Variants in LSAMP observed in about 807,000 individuals in gnomAD.
LSAMP encodes the protein limbic system associated membrane protein, also known as limbic system-associated membrane protein.
In LSAMP, 7 loss-of-function variants were observed where a neutral mutation model predicts 38.6. That is an observed-to-expected ratio of 0.18 (90% CI 0.10 to 0.34). The LOEUF is 0.34. Among genes scored for constraint, LSAMP ranks in the 10% least tolerant of loss-of-function variants. The pLI is 1.00. For synonymous variants in LSAMP, 154 were observed against 166.8 expected, an observed-to-expected ratio of 0.92 and a Z score of 0.59; for missense variants, 313 against 420.0, an observed-to-expected ratio of 0.75 and a Z score of 2.23.
chr3:116,186,780 A>G (rs73140946), intron 1 of LSAMP, among the ~76,000 whole-genome samples: 3,390 of 152,180 alleles, frequency 0.022, 58 homozygotes, highest in Middle Eastern at 0.034. Flanking sequence ...TTGGTATTTT[A>G]CTTTTACTCC....
intron 1 of LSAMP, among the ~76,000 whole-genome samples, chr3:116,310,824 C>T (rs1314752250): frequency 6.6e-6 from 1 of 151,088 alleles, no homozygotes; most frequent in African/African-American, 2.4e-5. Context: ...CTGACTTGAC[C>T]AAGAACATAA....
chr3:116,263,266 G>A (rs1346909751), intron 1 of LSAMP, among the ~76,000 whole-genome samples: 2 of 152,138 alleles, frequency 1.3e-5, no homozygotes, highest in African/African-American at 2.4e-5. Flanking sequence ...GGCTGGGTGC[G>A]GTGGCTCATG....
At chr3:115,976,656 A>G (rs150045024) in intron 3 of LSAMP, among the ~76,000 whole-genome samples, 115 of 152,228 alleles carry the variant, frequency 7.6e-4, no homozygotes, top group African/African-American at 2.6e-3. Flanking sequence ...GTAATCCCCA[A>G]TGTTGGGGAA....
At chr3:115,900,249 T>C (rs1296295319) in intron 3 of LSAMP, among the ~76,000 whole-genome samples, 1 of 152,136 alleles carries the variant, frequency 6.6e-6, no homozygotes, top group African/African-American at 2.4e-5. Context: ...GCGTGGTGGC[T>C]CATGCCTGTA....
intron 2 of LSAMP, among the ~76,000 whole-genome samples, chr3:116,059,835 C>T (rs978858591): frequency 1.3e-5 from 2 of 152,192 alleles, no homozygotes; most frequent in Middle Eastern, 3.2e-3. Flanking sequence ...GAGTGCTTGT[C>T]TGAGTCACCA....
intron 1 of LSAMP, among the ~76,000 whole-genome samples, chr3:116,104,149 A>C (rs1238988606): frequency 6.6e-6 from 1 of 152,222 alleles, no homozygotes; most frequent in Non-Finnish European, 1.5e-5. Flanking sequence ...CACTGGCCAG[A>C]GAGTCCAGTC....
intron 1 of LSAMP, among the ~76,000 whole-genome samples, chr3:116,253,265 C>T (rs779142490): frequency 5.9e-5 from 9 of 152,168 alleles, no homozygotes; most frequent in East Asian, 5.8e-4. Context: ...TACTGACCAA[C>T]GTGATTTGTA....
At chr3:115,876,278 C>CT (rs58536199) in intron 3 of LSAMP, among the ~76,000 whole-genome samples, 2,178 of 123,222 alleles carry the variant, frequency 0.018, 20 homozygotes, top group Middle Eastern at 0.022. Context: ...AAGGAAAAAG[C>CT]TTTTTTTTTT....
intron 3 of LSAMP, among the ~76,000 whole-genome samples, chr3:115,935,175 A>C (rs1937657177): frequency 6.6e-6 from 1 of 152,226 alleles, no homozygotes; most frequent in South Asian, 2.1e-4. Flanking sequence ...CTCAAGGAAT[A>C]AAATATGAAA....
Position 115,848,865 on chromosome 3 carries a change from T to C in LSAMP, c.649+3618A>G, listed in dbSNP as rs1271194081. The stretch of plus-strand genomic sequence containing the variant: ...CTGGGAGCAGCTTTTAAGAGAAATT[T>C]CTCCAGGAATAGGAAAAGAGTCCAA... On this transcript the variant is annotated intron_variant, in intron 4 of 6. Coordinates refer to ENST00000490035, the MANE Select transcript of LSAMP (RefSeq NM_002338.5). 3.3e-5 allele frequency among the ~76,000 whole-genome samples: 5 copies of C among 152,078 alleles called. No individual in the cohort carries two copies. The South Asian group carries it at 1.0e-3, about 32-fold the overall frequency.
chr3:116,388,513 C>T lies in LSAMP; in HGVS notation c.155+56364G>A, dbSNP rs192131267. 2.6e-3 allele frequency among the ~76,000 whole-genome samples: 392 copies of T among 152,212 alleles called. 4 individuals are homozygous for T. Among genetic ancestry groups the T allele is most frequent in the Admixed American group, 0.021 (323 of 15,284 alleles). On this transcript the variant is annotated intron_variant, in intron 1 of 6. Transcript: ENST00000490035. ...TTAAATGAACATAAGGGCTCTAAAA[C>T]GCACGAAAATATTTTACTAAATGCC...
chr3:116,437,450 G>A (rs1209998905), intron 1 of LSAMP, among the ~76,000 whole-genome samples: 1 of 152,096 alleles, frequency 6.6e-6, no homozygotes, highest in Non-Finnish European at 1.5e-5. Context: ...GTGGAGGAAG[G>A]AAAACCCATG....
At chr3:115,956,910 T>A (rs1244599826) in intron 3 of LSAMP, among the ~76,000 whole-genome samples, 4 of 152,186 alleles carry the variant, frequency 2.6e-5, no homozygotes, top group Non-Finnish European at 5.9e-5. Context: ...GAAGAAGTCA[T>A]TCCAACATTC....
intron 3 of LSAMP, among the ~76,000 whole-genome samples, chr3:116,010,950 G>A (rs1940306340): frequency 6.6e-6 from 1 of 152,022 alleles, no homozygotes; most frequent in Admixed American, 6.5e-5. Context: ...TTGATTGATT[G>A]AACACCTGTA....
chr3:116,387,146 T>A (rs750314199), intron 1 of LSAMP, among the ~76,000 whole-genome samples: 17 of 152,152 alleles, frequency 1.1e-4, no homozygotes, highest in Admixed American at 2.6e-4. Context: ...TTTCTAATAA[T>A]GTAGCATTGA....
chr3:116,045,353 A>G (rs915129741), intron 2 of LSAMP, among the ~76,000 whole-genome samples: 6 of 152,180 alleles, frequency 3.9e-5, no homozygotes, highest in Non-Finnish European at 5.9e-5. Flanking sequence ...AAAAGTTTAT[A>G]GAAGATCACA....
Position 116,026,615 on chromosome 3 carries a change from C to G in LSAMP, c.389-6975G>C, listed in dbSNP as rs777391467. Reference sequence around the variant, plus strand: ...CTTGGACAAGGAGTGGGTACAAGACCTAAGCTGGACCATTCAAACATCCCC... The same window carrying G: ...CTTGGACAAGGAGTGGGTACAAGACGTAAGCTGGACCATTCAAACATCCCC... On this transcript the variant is annotated intron_variant, in intron 2 of 6. Transcript: ENST00000490035. 1.2e-4 allele frequency among the ~76,000 whole-genome samples: 19 copies of G among 152,240 alleles called. No homozygotes were observed. In the Middle Eastern group the frequency reaches 0.017, roughly 136 times the overall value.
intron 1 of LSAMP, among the ~76,000 whole-genome samples, chr3:116,104,977 C>T (rs1271936805): frequency 6.6e-6 from 1 of 152,234 alleles, no homozygotes; most frequent in Non-Finnish European, 1.5e-5. Flanking sequence ...AGAACTATTG[C>T]TTTGGCACTT....
At chr3:115,870,849 C>T (rs967458528) in intron 3 of LSAMP, among the ~76,000 whole-genome samples, 2 of 152,150 alleles carry the variant, frequency 1.3e-5, no homozygotes, top group Non-Finnish European at 2.9e-5. Flanking sequence ...TAGAATCAGA[C>T]TAACAGCCTT....
Sources: gnomAD v4.1 joint callset for allele counts (sites outside exome capture counted in the v4.1 genomes callset) on GRCh38, gnomAD v4.1.1 for gene constraint, MANE v1.5 for transcripts, NCBI Gene and HGNC (gene_info 2026-07-23, HGNC 2026-07-21) for gene names.